Variants in NREP observed in about 807,000 individuals in gnomAD.
The protein encoded by NREP is neuronal regeneration-related protein.
A neutral mutation model predicts 8.6 loss-of-function variants in NREP; 5 were observed. The observed-to-expected ratio is 0.58, with a 90% CI of 0.30 to 1.22. The LOEUF is 1.22. Among genes scored for constraint, NREP ranks in the 50% most tolerant of loss-of-function variants. The pLI, the probability that NREP is intolerant of heterozygous loss-of-function variation, is 0.07. For missense variants in NREP, 86 were observed against 82.5 expected (o/e 1.04, Z -0.17); for synonymous variants, 27 against 28.0 (o/e 0.96, Z 0.11).
chr5:111,908,268 A>G (rs1244768723), intron 2 of NREP, among the ~76,000 whole-genome samples: 1 of 152,056 alleles, frequency 6.6e-6, no homozygotes, highest in African/African-American at 2.4e-5. Context: ...CACAAATAAT[A>G]ATTTTTAAGA....
chr5:111,864,487 T>C (rs1035755944), intron 2 of NREP, among the ~76,000 whole-genome samples: 15 of 152,126 alleles, frequency 9.9e-5, no homozygotes, highest in African/African-American at 3.6e-4. Flanking sequence ...AGATCCTTAA[T>C]CTTTTTGTAT....
In NREP at chr5:111,909,587, T is replaced by C. The variant is rs142434137; in HGVS notation, c.135+65687A>G. ...CTTTCTCCACATGAAGCAGTCCAAG[T>C]GTCTTCTAAGTCTTTATGATCTAAA... On this transcript the variant is annotated intron_variant, in intron 2 of 3. Coordinates refer to the NREP transcript ENST00000395634. Among the ~76,000 whole-genome samples, 327 of 152,158 alleles carry C rather than the reference T, an allele frequency of 2.1e-3. 3 individuals are homozygous for C. The highest frequency in any genetic ancestry group is 7.3e-3 in the African/African-American group (303 of 41,544).
In NREP at chr5:111,884,440, T is replaced by C. The variant is rs1469644984; in HGVS notation, c.135+90834A>G. 5.3e-5 allele frequency among the ~76,000 whole-genome samples: 8 copies of C among 151,814 alleles called. No individual in the cohort carries two copies. In the South Asian group the frequency reaches 6.3e-4, roughly 12 times the overall value. On this transcript the variant is annotated intron_variant, in intron 2 of 3. Transcript: ENST00000395634. ...TTCCTTCTGAAACTATTCCAATCAA[T>C]AGAAAAAGAGGGAATCCTCCCTAAC...
chr5:111,936,506 T>C (rs1287461692), intron 2 of NREP, among the ~76,000 whole-genome samples: 5 of 152,090 alleles, frequency 3.3e-5, no homozygotes, highest in Non-Finnish European at 1.5e-5. Context: ...TTAATAGTAG[T>C]GTAAAAATGG....
chr5:111,784,573 G>C (rs1043822368), intron 2 of NREP, among the ~76,000 whole-genome samples: 2 of 152,156 alleles, frequency 1.3e-5, no homozygotes, highest in African/African-American at 4.8e-5. Flanking sequence ...TAGTTTTTGA[G>C]AAGTAGGTTA....
intron 2 of NREP, among the ~76,000 whole-genome samples, chr5:111,898,687 C>T (rs752134058): frequency 6.6e-6 from 1 of 152,096 alleles, no homozygotes; most frequent in Non-Finnish European, 1.5e-5. Context: ...AAAATAATAA[C>T]TAAAAACTTC....
chr5:111,800,357 G>A (rs904614593), intron 2 of NREP, among the ~76,000 whole-genome samples: 1 of 152,200 alleles, frequency 6.6e-6, no homozygotes, highest in East Asian at 1.9e-4. Flanking sequence ...TTATTAACAC[G>A]GTTTCATGTT....
At chr5:111,882,922 T>G (rs1336141082) in intron 2 of NREP, among the ~76,000 whole-genome samples, 1 of 152,154 alleles carries the variant, frequency 6.6e-6, no homozygotes, top group Non-Finnish European at 1.5e-5. Context: ...CATCAACTAA[T>G]GAGCAAAATA....
chr5:111,856,266 C>T (rs1339532417), intron 2 of NREP, among the ~76,000 whole-genome samples: 3 of 152,096 alleles, frequency 2.0e-5, no homozygotes, highest in Non-Finnish European at 4.4e-5. Context: ...ATTACTGATG[C>T]CTAGAAAGGT....
At chr5:111,832,821 G>T (rs1752805667) in intron 2 of NREP, among the ~76,000 whole-genome samples, 1 of 152,290 alleles carries the variant, frequency 6.6e-6, no homozygotes, top group Middle Eastern at 3.4e-3. Flanking sequence ...GTCATTCCAT[G>T]GTAGGACAAA....
At chr5:111,835,568 G>C (rs1292275345) in intron 2 of NREP, among the ~76,000 whole-genome samples, 1 of 151,912 alleles carries the variant, frequency 6.6e-6, no homozygotes, top group Non-Finnish European at 1.5e-5. Flanking sequence ...CAAAGAATGA[G>C]GATATTCAAG....
At chr5:111,975,508 T>G in intron 1 of NREP, 1 of 655,540 alleles carries the variant, frequency 1.5e-6, no homozygotes. Context: ...GGACACTGAC[T>G]GGCCAGGGTA....
intron 2 of NREP, among the ~76,000 whole-genome samples, chr5:111,744,652 G>T (rs1336999313): frequency 6.6e-6 from 1 of 152,060 alleles, no homozygotes; most frequent in Non-Finnish European, 1.5e-5. Flanking sequence ...TCTGATGAGG[G>T]ATTCAGTCCG....
intron 2 of NREP, among the ~76,000 whole-genome samples, chr5:111,821,057 C>T (rs1752503343): frequency 6.6e-6 from 1 of 152,140 alleles, no homozygotes; most frequent in Non-Finnish European, 1.5e-5. Flanking sequence ...TCTTCAAAAG[C>T]ACACCAAGTG....
intron 2 of NREP, among the ~76,000 whole-genome samples, chr5:111,919,050 C>A (rs1157734880): frequency 1.3e-5 from 2 of 152,200 alleles, no homozygotes; most frequent in East Asian, 3.9e-4. Flanking sequence ...AAACAGACAA[C>A]CTCATCAAAA....
intron 2 of NREP, among the ~76,000 whole-genome samples, chr5:111,818,924 C>A (rs1752452784): frequency 6.6e-6 from 1 of 152,150 alleles, no homozygotes; most frequent in African/African-American, 2.4e-5. Flanking sequence ...ACCTACAATG[C>A]ATAAAACAAT....
At position 111,856,320 on chromosome 5, in the gene NREP, A is replaced by G. The variant is rs144371531; in HGVS notation, c.135+118954T>C. ...TCATACAGATAGTGTCAGAGCCTCT[A>G]AAGGACCCAATGTGTGTTTCACAGC... On this transcript the variant is annotated intron_variant, in intron 2 of 3. Coordinates refer to the NREP transcript ENST00000395634. Among the ~76,000 whole-genome samples, 775 of 152,336 alleles carry G rather than the reference A, an allele frequency of 5.1e-3. 21 individuals are homozygous for G. The highest frequency in any genetic ancestry group is 0.038 in the Admixed American group (587 of 15,298).
At chr5:111,907,409 AGTT>A (rs1408996422) in intron 2 of NREP, among the ~76,000 whole-genome samples, 4 of 152,096 alleles carry the variant, frequency 2.6e-5, no homozygotes, top group Non-Finnish European at 4.4e-5. Flanking sequence ...TTGGATGTCC[AGTT>A]GTTCCAGCAA....
Position 111,778,997 on chromosome 5 carries a change from A to G in NREP, c.136-43490T>C, listed in dbSNP as rs190391650. ...ATCTTGTAGCAACCTTTACGTTGCA[A>G]TCATACTTTATTGAAACTCCTTGAT... On this transcript the variant is annotated intron_variant, in intron 2 of 3. Transcript: ENST00000395634. 3.1e-3 allele frequency among the ~76,000 whole-genome samples: 479 copies of G among 152,272 alleles called. 9 individuals carry two copies. Among genetic ancestry groups the G allele is most frequent in the Admixed American group, 0.028 (432 of 15,272 alleles).
Sources: allele counts gnomAD v4.1 joint callset (sites outside exome capture counted in the v4.1 genomes callset), GRCh38; gene constraint gnomAD v4.1.1; transcripts MANE v1.5; gene names NCBI Gene and HGNC (gene_info 2026-07-23, HGNC 2026-07-21).